Variants in TG observed in about 807,000 individuals in gnomAD.
TG encodes thyroid hormones.
A neutral mutation model predicts 324.7 loss-of-function variants in TG; 270 were observed. That is an observed-to-expected ratio of 0.83 (90% CI 0.75 to 0.92). The LOEUF (loss-of-function observed/expected upper bound fraction) is 0.92. Among genes scored for constraint, TG ranks in the 40% least tolerant of loss-of-function variants. The pLI is 0.00. For missense variants in TG, 3,591 were observed against 3,456.4 expected (o/e 1.04, Z -0.98); for synonymous variants, 1,401 against 1,327.0 (o/e 1.06, Z -1.21).
chr8:132,929,137 G>C lies in TG; in HGVS notation c.4761G>C (p.Val1587=). ...SKVIFDANAP[V]AVRSKVPDSE... is the part of the protein sequence containing the mutation. The stretch of plus-strand genomic sequence containing the variant: ...TGATCTTCGACGCCAATGCTCCTGT[G>C]GCTGTCAGATCCAAAGTTCCTGATT... The change falls in exon 23 of 48, where the codon GTG becomes GTC. Residue 1587 remains valine (V), a synonymous_variant. Coordinates refer to ENST00000220616, the MANE Select transcript of TG (RefSeq NM_003235.5). 1 of 1,614,116 alleles carries C rather than the reference G, an allele frequency of 6.2e-7. No homozygotes were observed. The highest frequency in any genetic ancestry group is 8.5e-7 in the Non-Finnish European group (1 of 1,180,028).
At chr8:133,126,305 A>G (rs1413461001) in intron 45 of TG, among the ~76,000 whole-genome samples, 3 of 152,206 alleles carry the variant, frequency 2.0e-5, no homozygotes, top group Non-Finnish European at 4.4e-5. Flanking sequence ...AATAAATTCA[A>G]TTAGATGTAA....
intron 41 of TG, among the ~76,000 whole-genome samples, chr8:133,056,894 C>A (rs1264697422): frequency 6.6e-6 from 1 of 152,158 alleles, no homozygotes; most frequent in Admixed American, 6.5e-5. Context: ...CCCAGGAACT[C>A]CTAGGAAATT....
chr8:133,058,216 AGG>A (rs2131307365), intron 41 of TG, among the ~76,000 whole-genome samples: 1 of 152,328 alleles, frequency 6.6e-6, no homozygotes, highest in African/African-American at 2.4e-5. Context: ...AAACAACGTT[AGG>A]ACCAATGATC....
chr8:132,869,441 G>A (rs1372274197), intron 2 of TG, among the ~76,000 whole-genome samples: 2 of 152,180 alleles, frequency 1.3e-5, no homozygotes, highest in Non-Finnish European at 2.9e-5. Flanking sequence ...TGGTGGATGT[G>A]GCTGAAGCCC....
At chr8:132,890,255 A>T (rs950432814) in intron 10 of TG, among the ~76,000 whole-genome samples, 1 of 152,114 alleles carries the variant, frequency 6.6e-6, no homozygotes, top group Non-Finnish European at 1.5e-5. Context: ...TCATTTTTGC[A>T]ATTAAATGTT....
In TG at chr8:132,935,759, C is replaced by T. The variant is rs555316512; in HGVS notation, c.4936C>T (p.Arg1646Ter). The T allele has an allele frequency of 3.7e-6, 6 of 1,610,546 alleles. No homozygotes were observed. In the African/African-American group the frequency reaches 6.7e-5, roughly 18 times the overall value. Residue 1646 changes from arginine to a stop codon, truncating the protein, a stop_gained, in exon 25 of 48, where the codon CGA becomes TGA. Coordinates refer to ENST00000220616, the MANE Select transcript of TG (RefSeq NM_003235.5). LOFTEE classifies it high-confidence loss of function. ...NVACMTSDQKRDALGNSKATS... is the reference protein window; with the variant it reads ...NVACMTSDQK ...TGCAGCATCTTTCCATCTCCAGAAA[C>T]GAGATGCACTGGGGAACTCAAAGGC...
Position 132,881,897 on chromosome 8 carries a change from C to A in TG, c.673C>A (p.Gln225Lys), listed in dbSNP as rs1814694968. 1 of 1,614,038 alleles carries A rather than the reference C, an allele frequency of 6.2e-7. No homozygotes were observed. The highest frequency in any genetic ancestry group is 8.5e-7 in the Non-Finnish European group (1 of 1,179,988). ...PDAFVTFSSF[Q>K]RRFPEVSGYC... ...TGCATTTGTGACCTTCAGTTCCTTC[C>A]AGAGGAGGTTCCCTGAGGTATCTGG... The change falls in exon 6 of 48, where the codon CAG (glutamine) becomes AAG (lysine). Residue 225 changes from glutamine (Q) to lysine (K), a missense_variant. Physicochemically the swap from Gln to Lys is moderately conservative, Grantham distance 53. Coordinates refer to ENST00000220616, the MANE Select transcript of TG (RefSeq NM_003235.5).
chr8:132,974,057 G>T (rs746198664), intron 34 of TG, among the ~76,000 whole-genome samples: 1 of 145,900 alleles, frequency 6.9e-6, no homozygotes, highest in African/African-American at 2.6e-5. Flanking sequence ...GCAATGGCGC[G>T]ATCTCAGCTC....
intron 41 of TG, chr8:133,040,149 AGCC>A: frequency 1.3e-6 from 2 of 1,575,492 alleles, no homozygotes; most frequent in Non-Finnish European, 1.7e-6. Flanking sequence ...GGAAGCAGAC[AGCC>A]GGTCAGGGAC....
At chr8:133,018,136 T>C (rs1197311698) in intron 38 of TG, 139 bp downstream of exon 38, 2 of 851,296 alleles carry the variant, frequency 2.3e-6, no homozygotes, top group Admixed American at 4.0e-5. Flanking sequence ...TTAGCTAAGA[T>C]ATCATTAAGT....
intron 35 of TG, among the ~76,000 whole-genome samples, chr8:132,999,571 G>T (rs1272170178): frequency 2.6e-5 from 4 of 152,182 alleles, no homozygotes; most frequent in Non-Finnish European, 5.9e-5. Flanking sequence ...CTCTCTCTCA[G>T]ATCTGCCTTC....
chr8:132,906,573 A>T (rs1818715197), intron 16 of TG, 115 bp from the exon 17 acceptor site: 3 of 1,200,056 alleles, frequency 2.5e-6, no homozygotes, highest in Middle Eastern at 2.7e-4. Flanking sequence ...AGGTCCAGGG[A>T]AGGGGAGAGG....
chr8:132,883,083 T>A, intron 8 of TG, 84 bp downstream of exon 8: 2 of 1,458,818 alleles, frequency 1.4e-6, no homozygotes, highest in Admixed American at 4.0e-5. Context: ...CTGGACCCCA[T>A]TAATTCAACT....
chr8:132,913,324 C>A, intron 20 of TG, 59 bp downstream of exon 20: 1 of 1,544,370 alleles, frequency 6.5e-7, no homozygotes, highest in Non-Finnish European at 8.9e-7. Flanking sequence ...TTAGGAAAGG[C>A]CACCTCAGCA....
At chr8:132,879,347 T>G (rs1814314569) in intron 5 of TG, among the ~76,000 whole-genome samples, 1 of 152,196 alleles carries the variant, frequency 6.6e-6, no homozygotes, top group South Asian at 2.1e-4. Flanking sequence ...GGAAATGGAC[T>G]TGGGATTCTT....
rs761996143 is a variant in TG at position 132,873,070 on chromosome 8, A to G, written c.487A>G (p.Ser163Gly). The change falls in exon 5 of 48, where the codon AGC (serine) becomes GGC (glycine). Residue 163 changes from serine to glycine, a missense_variant. Physicochemically the swap from Ser to Gly is moderately conservative, Grantham distance 56. Transcript: ENST00000220616. Reference protein sequence around the residue: ...QLGRPKRCPRSCEIRNRRLLH... With the variant: ...QLGRPKRCPRGCEIRNRRLLH... The stretch of plus-strand genomic sequence containing the variant: ...TTCGTGAAAATGTTTAGGTCCAAGG[A>G]GCTGTGAAATAAGAAATCGTCGTCT... 5.0e-6 allele frequency: 8 copies of G among 1,614,108 alleles called. No individual in the cohort carries two copies. Among genetic ancestry groups the G allele is most frequent in the Middle Eastern group, 1.7e-4 (1 of 6,060 alleles).
At chr8:132,917,441 G>T (rs1820502819) in intron 20 of TG, among the ~76,000 whole-genome samples, 1 of 152,042 alleles carries the variant, frequency 6.6e-6, no homozygotes, top group African/African-American at 2.4e-5. Context: ...AAGTGAAGAA[G>T]AACATTCCAG....
intron 35 of TG, among the ~76,000 whole-genome samples, chr8:133,009,618 C>T (rs1341336325): frequency 6.6e-6 from 1 of 151,860 alleles, no homozygotes; most frequent in African/African-American, 2.4e-5. Context: ...ACCCTAACCT[C>T]CAATGGGATG....
At chr8:132,905,617 TC>T (rs1818561082) in intron 16 of TG, among the ~76,000 whole-genome samples, 1 of 152,148 alleles carries the variant, frequency 6.6e-6, no homozygotes, top group Non-Finnish European at 1.5e-5. Flanking sequence ...TTTACTTAAC[TC>T]ATATTCATTG....
Sources: gnomAD v4.1 joint callset for allele counts (sites outside exome capture counted in the v4.1 genomes callset) on GRCh38, gnomAD v4.1.1 for gene constraint, MANE v1.5 for transcripts, NCBI Gene and HGNC (gene_info 2026-07-23, HGNC 2026-07-21) for gene names.